The following LAMC3 variants were observed in gnomAD, a reference collection of about 807,000 sequenced individuals.
The protein encoded by LAMC3 is laminin subunit gamma 3, also known as laminin subunit gamma-3.
In LAMC3, 128 loss-of-function variants were observed where a neutral mutation model predicts 173.8. The observed-to-expected ratio is 0.74, with a 90% CI of 0.64 to 0.85. The LOEUF is 0.85. Among genes scored for constraint, LAMC3 ranks in the 40% least tolerant of loss-of-function variants. The pLI is 0.00. For missense variants in LAMC3, 2,022 were observed against 2,156.0 expected (o/e 0.94, Z 1.23); for synonymous variants, 897 against 909.1 (o/e 0.99, Z 0.24).
At chr9:131,068,258 C>T in intron 15 of LAMC3, 27 bp downstream of exon 15, 1 of 1,601,044 alleles carries the variant, frequency 6.2e-7, no homozygotes, top group South Asian at 1.1e-5. Flanking sequence ...TGCCGGTGCC[C>T]TGGGGACCTC....
chr9:131,052,850 C>T lies in LAMC3; in HGVS notation c.1824C>T (p.His608=). 6.2e-7 allele frequency: 1 copy of T among 1,608,518 alleles called. No individual in the cohort carries two copies. Among genetic ancestry groups the T allele is most frequent in the Non-Finnish European group, 8.5e-7 (1 of 1,175,066 alleles). Residue 608 remains histidine (H), a splice_region_variant and synonymous_variant, in exon 11 of 28, where the codon CAC becomes CAT. Transcript: ENST00000361069. The stretch of plus-strand genomic sequence containing the variant: ...TCACTTTGACCGCTTCTCTCGCCAG[C>T]CTGCAGGAGACCTCCGAGGACGTGG... ...GHPREVELRF[H]LQETSEDVAP... is the part of the protein sequence containing the mutation.
At position 131,072,841 on chromosome 9, in the gene LAMC3, C is replaced by T. The variant is rs1422112444; in HGVS notation, c.3417+6C>T. 2 of 1,607,530 alleles carry T rather than the reference C, an allele frequency of 1.2e-6. No individual in the cohort carries two copies. The highest frequency in any genetic ancestry group is 1.7e-6 in the Non-Finnish European group (2 of 1,177,086). On this transcript the variant is annotated splice_donor_region_variant and intron_variant, in intron 19 of 27. Transcript: ENST00000361069. ...CTGCCATTCTCGCGTCTCTGGTATC[C>T]CAGGGGACCCCCCTACCCGAACACA...
chr9:131,076,110 C>A, intron 21 of LAMC3, 145 bp downstream of exon 21: 1 of 847,442 alleles, frequency 1.2e-6, no homozygotes, highest in Non-Finnish European at 1.8e-6. Context: ...GCATCCTCCT[C>A]GGAGTGGGGC....
At chr9:131,047,460 C>T (rs1326144677) in intron 8 of LAMC3, among the ~76,000 whole-genome samples, 2 of 151,418 alleles carry the variant, frequency 1.3e-5, no homozygotes, top group Non-Finnish European at 2.9e-5. Flanking sequence ...AGCCACCGCA[C>T]CCGGCCTCTG....
intron 11 of LAMC3, among the ~76,000 whole-genome samples, chr9:131,056,492 T>C (rs1834405561): frequency 1.4e-5 from 1 of 69,910 alleles, no homozygotes. Context: ...AATTGACAAT[T>C]TGAAAAATAA....
intron 22 of LAMC3, among the ~76,000 whole-genome samples, chr9:131,078,504 C>CAA (rs757256292): frequency 6.6e-6 from 1 of 150,754 alleles, no homozygotes; most frequent in Non-Finnish European, 1.5e-5. Flanking sequence ...CAAAACAAAA[C>CAA]AAAAAAAACT....
At chr9:131,091,067 T>G (rs533568461) in intron 27 of LAMC3, among the ~76,000 whole-genome samples, 101 of 151,960 alleles carry the variant, frequency 6.6e-4, no homozygotes, top group Non-Finnish European at 2.1e-4. Context: ...CATACAAAAA[T>G]TAGCTGGGCA....
At chr9:131,042,519 A>C (rs553729871) in intron 7 of LAMC3, among the ~76,000 whole-genome samples, 1 of 150,718 alleles carries the variant, frequency 6.6e-6, no homozygotes, top group Non-Finnish European at 1.5e-5. Flanking sequence ...AGCATTGTCA[A>C]TGCACCCCTT....
rs1339396731 is a variant in LAMC3, at chr9:131,026,247, C to G, written c.374-38C>G. On this transcript the variant is annotated intron_variant, in intron 1 of 27. Transcript: ENST00000361069. This position sits in a 1 kb window ranked among gnomAD's most constrained non-coding sequence, Gnocchi z 4.8. ...CTAGACCAGGATTCCATACCTCCTT[C>G]CCCTTCCATAAAATGGGCCCCGTTT... 6.2e-7 allele frequency: 1 copy of G among 1,613,012 alleles called. No individual in the cohort carries two copies. The highest frequency in any genetic ancestry group is 1.3e-5 in the African/African-American group (1 of 74,912).
rs1343570221 is a variant in LAMC3 at position 131,091,556 on chromosome 9, A to C, written c.4497A>C (p.Gln1499His). The change falls in exon 28 of 28, where the codon CAA becomes CAC. Residue 1499 changes from glutamine (Q) to histidine (H), a missense_variant. Transcript: ENST00000361069. The part of the protein sequence containing the change: ...LARLGSLDTH[Q>H]APAQALNETQ... Reference sequence around the variant, plus strand: ...CCACAGGGTCGCTGGACACCCATCAAGCCCCAGCCCAGGCCCTGAACGAGA... The same window carrying C: ...CCACAGGGTCGCTGGACACCCATCACGCCCCAGCCCAGGCCCTGAACGAGA... The C allele has an allele frequency of 6.3e-7, 1 of 1,585,650 alleles. No individual in the cohort carries two copies. The highest frequency in any genetic ancestry group is 8.6e-7 in the Non-Finnish European group (1 of 1,166,564).
chr9:131,031,410 A>G (rs1213328639), intron 2 of LAMC3, among the ~76,000 whole-genome samples: 1 of 152,144 alleles, frequency 6.6e-6, no homozygotes, highest in Non-Finnish European at 1.5e-5. Context: ...AGGGCCAGGG[A>G]AACAGTGAGA....
At chr9:131,085,925 G>A in intron 25 of LAMC3, 2 of 644,546 alleles carry the variant, frequency 3.1e-6, no homozygotes, top group Non-Finnish European at 2.8e-6. Context: ...CCATTGTACA[G>A]GTGAGAATGC....
intron 3 of LAMC3, among the ~76,000 whole-genome samples, chr9:131,034,419 G>A (rs1450790216): frequency 1.3e-5 from 2 of 152,228 alleles, no homozygotes; most frequent in South Asian, 2.1e-4. Context: ...CAGTGTGTCC[G>A]CTATCAGCTA....
chr9:131,033,226 C>T (rs558411346), intron 3 of LAMC3, among the ~76,000 whole-genome samples: 5 of 152,140 alleles, frequency 3.3e-5, no homozygotes, highest in African/African-American at 2.4e-5. Context: ...GGCTGTGGGA[C>T]GAGGGAGGCA....
At chr9:131,018,866 A>C (rs1833578513) in intron 1 of LAMC3, among the ~76,000 whole-genome samples, 1 of 151,710 alleles carries the variant, frequency 6.6e-6, no homozygotes, top group South Asian at 2.1e-4. Context: ...CCTTCTCCTC[A>C]CCTTCCCTGG....
At chr9:131,031,862 T>A (rs1420728126) in intron 2 of LAMC3, among the ~76,000 whole-genome samples, 183 bp from the exon 3 acceptor site, 1 of 152,204 alleles carries the variant, frequency 6.6e-6, no homozygotes, top group Admixed American at 6.5e-5. Context: ...GCACCCAGGT[T>A]GGGGTGACCC....
intron 12 of LAMC3, among the ~76,000 whole-genome samples, chr9:131,057,762 T>TGAA (rs1444219634): frequency 6.6e-6 from 1 of 152,246 alleles, no homozygotes; most frequent in Non-Finnish European, 1.5e-5. Context: ...GCTCAGGCTC[T>TGAA]GAAAACACAG....
chr9:131,033,522 C>T (rs571731682), intron 3 of LAMC3, among the ~76,000 whole-genome samples: 5 of 151,886 alleles, frequency 3.3e-5, no homozygotes, highest in East Asian at 3.9e-4. Flanking sequence ...GGCGGGTGGG[C>T]GTGGAGAGGT....
intron 9 of LAMC3, among the ~76,000 whole-genome samples, 154 bp from the exon 10 acceptor site, chr9:131,052,337 C>T (rs993736444): frequency 6.6e-6 from 1 of 152,180 alleles, no homozygotes; most frequent in African/African-American, 2.4e-5. Flanking sequence ...GTGGGTGGGC[C>T]CCCTGCAGGG....
Sources: gnomAD v4.1 joint callset for allele counts (sites outside exome capture counted in the v4.1 genomes callset) on GRCh38, gnomAD v4.1.1 for gene constraint, Gnocchi (gnomAD v3.1) non-coding constraint, MANE v1.5 for transcripts, NCBI Gene and HGNC (gene_info 2026-07-23, HGNC 2026-07-21) for gene names.